The following GRIA3 variants were observed in gnomAD, a reference collection of about 807,000 sequenced individuals.
GRIA3 encodes the protein glutamate ionotropic receptor AMPA type subunit 3, also known as glutamate receptor 3.
Under a neutral mutation model 63.0 loss-of-function variants are expected in GRIA3, and 3 were observed. That is an observed-to-expected ratio of 0.05 (90% confidence interval 0.02 to 0.12). GRIA3 has a LOEUF of 0.12. Among genes scored for constraint, GRIA3 ranks in the 10% least tolerant of loss-of-function variants. The pLI is 1.00. For synonymous variants in GRIA3, 274 were observed against 257.9 expected (o/e 1.06, Z -0.60); for missense variants, 347 against 700.9 (o/e 0.50, Z 5.70).
chrX:123,339,481 A>G (rs7891744), intron 4 of GRIA3, among the ~76,000 whole-genome samples: 13,379 of 111,785 alleles, frequency 0.12, 766 homozygotes, highest in South Asian at 0.28. Flanking sequence ...CAAGAAACTC[A>G]TAGTTCATAG....
chrX:123,255,437 C>T (rs911126588), intron 3 of GRIA3, among the ~76,000 whole-genome samples: 24 of 110,616 alleles, frequency 2.2e-4, no homozygotes, highest in Non-Finnish European at 4.5e-4. Context: ...CTGTATACAG[C>T]GTAATCTAGT....
chrX:123,212,847 T>C (rs1226805422), intron 2 of GRIA3, among the ~76,000 whole-genome samples: 6 of 111,837 alleles, frequency 5.4e-5, no homozygotes, highest in Non-Finnish European at 9.4e-5. Flanking sequence ...ATAGGTACTA[T>C]TGTTAGCTCC....
chrX:123,342,542 C>T (rs2045015697), intron 4 of GRIA3, among the ~76,000 whole-genome samples: 1 of 112,108 alleles, frequency 8.9e-6, no homozygotes, highest in Admixed American at 9.4e-5. Context: ...GTCAGAGCTT[C>T]AGGGACTGAG....
At chrX:123,373,038 C>G (rs775635774) in intron 5 of GRIA3, among the ~76,000 whole-genome samples, 1 of 109,113 alleles carries the variant, frequency 9.2e-6, no homozygotes, top group East Asian at 2.9e-4. Context: ...ACAACAGGCC[C>G]CGGTGTGTGA....
At chrX:123,234,012 TG>T (rs1283018563) in intron 2 of GRIA3, among the ~76,000 whole-genome samples, 1 of 111,852 alleles carries the variant, frequency 8.9e-6, no homozygotes, top group African/African-American at 3.3e-5. Context: ...CTCAAAACAT[TG>T]TTCCTTCCAT....
intron 4 of GRIA3, among the ~76,000 whole-genome samples, chrX:123,338,523 C>A (rs1361653060): frequency 8.9e-6 from 1 of 112,221 alleles, no homozygotes; most frequent in Non-Finnish European, 1.9e-5. Context: ...GCATGCGTGA[C>A]AATTTCATGC....
intron 2 of GRIA3, among the ~76,000 whole-genome samples, chrX:123,189,782 G>A (rs779960574): frequency 8.9e-6 from 1 of 112,197 alleles, no homozygotes; most frequent in South Asian, 3.8e-4. Context: ...ACTTAGGAGT[G>A]CAGGCTTTAA....
At chrX:123,292,428 A>T (rs2044661654) in intron 3 of GRIA3, among the ~76,000 whole-genome samples, 1 of 110,593 alleles carries the variant, frequency 9.0e-6, no homozygotes, top group Non-Finnish European at 1.9e-5. Context: ...CTCCAATCTC[A>T]TCCTACTTGC....
chrX:123,436,377 C>T (rs1260662862), intron 12 of GRIA3, among the ~76,000 whole-genome samples: 2 of 110,870 alleles, frequency 1.8e-5, no homozygotes, highest in Non-Finnish European at 3.8e-5. Context: ...CAATATTTTC[C>T]CCATCCTCTT....
At chrX:123,202,627 C>A (rs778971301) in intron 2 of GRIA3, 2 of 1,164,695 alleles carry the variant, frequency 1.7e-6, no homozygotes, top group Non-Finnish European at 2.3e-6. Flanking sequence ...CACCTTGTCA[C>A]CCCCACAGGT....
intron 3 of GRIA3, among the ~76,000 whole-genome samples, chrX:123,291,422 G>A (rs771730751): frequency 1.8e-5 from 2 of 110,821 alleles, no homozygotes; most frequent in Admixed American, 1.9e-4. Context: ...TACTGAGAGA[G>A]GGAGAGAAGA....
chrX:123,386,666 T>A (rs1314940300), intron 5 of GRIA3, among the ~76,000 whole-genome samples: 2 of 112,134 alleles, frequency 1.8e-5, no homozygotes, highest in Non-Finnish European at 3.8e-5. Flanking sequence ...AGTTTCATCC[T>A]TCCGAATATG....
At chrX:123,476,862 C>A (rs1204430222) in intron 13 of GRIA3, among the ~76,000 whole-genome samples, 3 of 111,372 alleles carry the variant, frequency 2.7e-5, no homozygotes, top group Middle Eastern at 4.7e-3. Flanking sequence ...CGGCCCCGAC[C>A]CAGGTGTGAC....
intron 2 of GRIA3, among the ~76,000 whole-genome samples, chrX:123,226,580 T>G (rs62594063): frequency 9.0e-6 from 1 of 111,493 alleles, no homozygotes; most frequent in Non-Finnish European, 1.9e-5. Context: ...GATCAGCTGA[T>G]GAGCTGACCA....
intron 2 of GRIA3, among the ~76,000 whole-genome samples, chrX:123,227,562 G>C (rs142468391): frequency 0.02 from 2,266 of 111,366 alleles, 33 homozygotes; most frequent in Non-Finnish European, 0.035. Flanking sequence ...GATATTCTGT[G>C]GGGGAAGGGG....
intron 2 of GRIA3, among the ~76,000 whole-genome samples, chrX:123,226,684 G>T (rs1264883962): frequency 2.7e-5 from 3 of 111,256 alleles, no homozygotes; most frequent in Admixed American, 9.6e-5. Flanking sequence ...GAAAGGTGAG[G>T]ATTCCCTAAT....
chrX:123,317,546 T>C (rs1277460673), intron 3 of GRIA3, among the ~76,000 whole-genome samples: 1 of 111,632 alleles, frequency 9.0e-6, no homozygotes, highest in Non-Finnish European at 1.9e-5. Context: ...AACAAAGGGG[T>C]TACAGGGCCC....
At chrX:123,452,362 C>CA (rs746187960) in intron 12 of GRIA3, among the ~76,000 whole-genome samples, 231 of 100,930 alleles carry the variant, frequency 2.3e-3, no homozygotes, top group African/African-American at 3.2e-3. Flanking sequence ...ACTCCCCCCC[C>CA]AAAAAAAAAA....
intron 11 of GRIA3, among the ~76,000 whole-genome samples, chrX:123,426,366 G>A (rs1387850958): frequency 9.0e-6 from 1 of 111,627 alleles, no homozygotes; most frequent in African/African-American, 3.3e-5. Flanking sequence ...AACTTCTTAT[G>A]GTCCCTGTCT....
Sources: gnomAD v4.1 joint callset for allele counts (sites outside exome capture counted in the v4.1 genomes callset) on GRCh38, gnomAD v4.1.1 for gene constraint, MANE v1.5 for transcripts, NCBI Gene and HGNC (gene_info 2026-07-23, HGNC 2026-07-21) for gene names.